Variants in ZFYVE26 observed in about 807,000 individuals in gnomAD.
ZFYVE26 encodes the protein zinc finger FYVE domain-containing protein 26.
ZFYVE26 carries 181 observed loss-of-function variants against 276.5 expected under a neutral mutation model. That is an observed-to-expected ratio of 0.65 (90% confidence interval 0.58 to 0.74). The LOEUF is 0.74. ZFYVE26 is among the 30% of genes least tolerant of loss of function. The pLI is 0.00. For synonymous variants in ZFYVE26, 1,129 were observed against 1,203.1 expected, an observed-to-expected ratio of 0.94 and a Z score of 1.27; for missense variants, 2,821 against 3,097.9, an observed-to-expected ratio of 0.91 and a Z score of 2.12.
intron 35 of ZFYVE26, among the ~76,000 whole-genome samples, chr14:67,757,983 G>A (rs1452001180): frequency 5.3e-5 from 8 of 152,156 alleles, no homozygotes; most frequent in African/African-American, 1.9e-4. Flanking sequence ...CCAGAGTGCT[G>A]GGATTACAGA....
At chr14:67,813,161 T>C (rs886100293) in intron 3 of ZFYVE26, among the ~76,000 whole-genome samples, 1 of 152,208 alleles carries the variant, frequency 6.6e-6, no homozygotes, top group Non-Finnish European at 1.5e-5. Flanking sequence ...CTGGCGAAAT[T>C]ACAGACATTT....
Position 67,793,772 on chromosome 14 carries a change from A to G in ZFYVE26, c.2402-13T>C, listed in dbSNP as rs1214415746. 1 of 1,613,754 alleles carries G rather than the reference A, an allele frequency of 6.2e-7. No individual in the cohort carries two copies. Among genetic ancestry groups the G allele is most frequent in the South Asian group, 1.1e-5 (1 of 91,062 alleles). ...CTCAGACTTCCCTCTGTTGGGACAC[A>G]AGAATGTGTGGGGCCAGAGAAGCAA... On this transcript the variant is annotated splice_polypyrimidine_tract_variant and intron_variant, in intron 13 of 41. Coordinates refer to ENST00000347230, the MANE Select transcript of ZFYVE26 (RefSeq NM_015346.4).
intron 6 of ZFYVE26, 92 bp downstream of exon 6, chr14:67,806,453 G>A: frequency 6.5e-7 from 1 of 1,530,272 alleles, no homozygotes; most frequent in East Asian, 2.3e-5. Flanking sequence ...ACTGCTTTAT[G>A]GTGGCCAAAT....
chr14:67,749,084 G>T (rs1290390100), intron 41 of ZFYVE26, among the ~76,000 whole-genome samples: 2 of 152,158 alleles, frequency 1.3e-5, no homozygotes, highest in East Asian at 1.9e-4. Flanking sequence ...AGTAGTGTCT[G>T]TTTTTTCTAC....
In ZFYVE26 at chr14:67,807,983, C is replaced by T. The variant is rs559506322; in HGVS notation, c.364-63G>A. On this transcript the variant is annotated intron_variant, in intron 4 of 41. Coordinates refer to ENST00000347230, the MANE Select transcript of ZFYVE26 (RefSeq NM_015346.4). ...TGCCTGGAATGGTATCACTTGTGTG[C>T]CTTCATGCTTTCCTCTTTTTCAGTT... 1.5e-4 allele frequency: 244 copies of T among 1,574,352 alleles called. 1 individual carries two copies. The South Asian group carries it at 1.8e-3, about 12-fold the overall frequency.
Position 67,775,277 on chromosome 14 carries a change from G to A in ZFYVE26, c.5222-163C>T, listed in dbSNP as rs149472761. Among the ~76,000 whole-genome samples the A allele has an allele frequency of 4.3e-3, 662 of 152,282 alleles. 8 individuals carry two copies. Among genetic ancestry groups the A allele is most frequent in the African/African-American group, 0.015 (636 of 41,544 alleles). ...GGAGGTACCTCTAAGCCCATAGCAC[G>A]CATGTTTCTTAAACGCCTCGAAAAA... On this transcript the variant is annotated intron_variant, in intron 26 of 41. Coordinates refer to ENST00000347230, the MANE Select transcript of ZFYVE26 (RefSeq NM_015346.4).
rs1368280251 is a variant in ZFYVE26, at chr14:67,768,535, G to A, written c.5635C>T (p.Pro1879Ser). The change falls in exon 30 of 42, where the codon CCT (proline) becomes TCT (serine). Residue 1879 changes from proline (P) to serine (S), a missense_variant. Coordinates refer to ENST00000347230, the MANE Select transcript of ZFYVE26 (RefSeq NM_015346.4). ...GCCTTACCTTCTGGTTTTTCTGAAG[G>A]CTCCTCTGGTACACTGAAAACAGAG... ...SYCNKDVPEE[P>S]SEKPEALDSS... The A allele has an allele frequency of 3.1e-6, 5 of 1,613,986 alleles. No homozygotes were observed. The highest frequency in any genetic ancestry group is 2.2e-5 in the East Asian group (1 of 44,894).
intron 13 of ZFYVE26, among the ~76,000 whole-genome samples, chr14:67,738,318 G>A (rs2038374831): frequency 6.7e-6 from 1 of 148,750 alleles, no homozygotes; most frequent in Non-Finnish European, 1.5e-5. Context: ...AATCTGACAT[G>A]ATTATATAAT....
In ZFYVE26 at chr14:67,781,337, T is replaced by C. The variant is rs745989732; in HGVS notation, c.4565A>G (p.Gln1522Arg). The change falls in exon 22 of 42, where the codon CAG becomes CGG. Residue 1522 changes from glutamine to arginine, a missense_variant. Coordinates refer to ENST00000347230, the MANE Select transcript of ZFYVE26 (RefSeq NM_015346.4). ...TCTTGATGCGAGGGCCCATACCTTCTGATACACCTGCAGCTCCGCCAGCTT... is the reference window on the plus strand; with the variant it reads ...TCTTGATGCGAGGGCCCATACCTTCCGATACACCTGCAGCTCCGCCAGCTT... ...QRKLAELQVY[Q>R]KILGLQSPPV... is the part of the protein sequence containing the mutation. 3.1e-6 allele frequency: 5 copies of C among 1,614,150 alleles called. No individual in the cohort carries two copies. The highest frequency in any genetic ancestry group is 1.7e-4 in the Middle Eastern group (1 of 6,060).
chr14:67,815,032 G>A (rs2040374172), intron 2 of ZFYVE26, among the ~76,000 whole-genome samples: 1 of 152,180 alleles, frequency 6.6e-6, no homozygotes, highest in South Asian at 2.1e-4. Flanking sequence ...GGAGAACTGT[G>A]GTTGCCAGGG....
rs2038966537 is a variant in ZFYVE26, at chr14:67,762,761, G to T, written c.6070C>A (p.Pro2024Thr). ...ILVAAAYRHV[P>T]SLDQILQPAA... is the part of the protein sequence containing the mutation. The stretch of plus-strand genomic sequence containing the variant: ...GGCTGCAAGATCTGATCCAAAGATG[G>T]CACGTGGCGATAGGCAGCAGCAACT... Residue 2024 changes from proline (P) to threonine (T), a missense_variant, in exon 33 of 42, where the codon CCA becomes ACA. Transcript: ENST00000347230. 1.2e-6 allele frequency: 2 copies of T among 1,614,086 alleles called. No individual in the cohort carries two copies. The highest frequency in any genetic ancestry group is 8.5e-7 in the Non-Finnish European group (1 of 1,180,054).
intron 31 of ZFYVE26, among the ~76,000 whole-genome samples, chr14:67,766,804 A>G (rs1187133690): frequency 6.6e-6 from 1 of 151,944 alleles, no homozygotes; most frequent in Non-Finnish European, 1.5e-5. Flanking sequence ...GGCTCAAGCA[A>G]TCCTTCCACC....
At chr14:67,749,868 G>A (rs1171302890) in intron 41 of ZFYVE26, among the ~76,000 whole-genome samples, 1 of 152,176 alleles carries the variant, frequency 6.6e-6, no homozygotes, top group African/African-American at 2.4e-5. Flanking sequence ...TTCCTACCAA[G>A]AGAAGAAGGG....
chr14:67,816,055 A>C lies in ZFYVE26; in HGVS notation c.-83-9T>G. ...CATTCGCGGAGTACCTCCTAGAAAC[A>C]ACACAACGCCAGTGAGAAGAAACAG... is the stretch of plus-strand genomic sequence containing the variant. On this transcript the variant is annotated splice_polypyrimidine_tract_variant and intron_variant, in intron 1 of 41. Transcript: ENST00000347230. 9.6e-7 allele frequency: 1 copy of C among 1,045,216 alleles called. No individual in the cohort carries two copies. The highest frequency in any genetic ancestry group is 1.4e-6 in the Non-Finnish European group (1 of 720,464). The allele number at this position is 1,045,216 out of a possible 1,614,324, so 64.7% of individuals were successfully genotyped here. A position where few individuals can be genotyped will look rare whatever the true frequency, so the allele number is the denominator to read the frequency against.
chr14:67,793,279 G>A (rs3039654), intron 14 of ZFYVE26, among the ~76,000 whole-genome samples: 5 of 125,398 alleles, frequency 4.0e-5, no homozygotes, highest in Admixed American at 1.5e-4. Context: ...AAACAAACAA[G>A]CAAACAAACA....
rs1184808508 is a variant in ZFYVE26 at position 67,768,580 on chromosome 14, A to G, written c.5622-32T>C. 3 of 1,611,310 alleles carry G rather than the reference A, an allele frequency of 1.9e-6. No homozygotes were observed. In the South Asian group the frequency reaches 3.3e-5, roughly 18 times the overall value. ...ACAGAGAAAGAAAAATTATTAAATA[A>G]ATGCCTGAGTCACTTCTTTGTTTTG... On this transcript the variant is annotated intron_variant, in intron 29 of 41. Coordinates refer to ENST00000347230, the MANE Select transcript of ZFYVE26 (RefSeq NM_015346.4).
At chr14:67,736,370 C>T (rs1256513002) in intron 13 of ZFYVE26, among the ~76,000 whole-genome samples, 1 of 152,180 alleles carries the variant, frequency 6.6e-6, no homozygotes, top group Admixed American at 6.5e-5. Context: ...ATCATATTTT[C>T]ATATTGTAGA....
Position 67,762,940 on chromosome 14 carries a change from T to C in ZFYVE26, c.6012-121A>G, listed in dbSNP as rs566035033. On this transcript the variant is annotated intron_variant, in intron 32 of 41. Transcript: ENST00000347230. ...TGTTTTGAAACAGAGTCTCGTTCTGTCACCCAGGCTGGAGTGCAGTGGTCC... is the reference window on the plus strand; with the variant it reads ...TGTTTTGAAACAGAGTCTCGTTCTGCCACCCAGGCTGGAGTGCAGTGGTCC... 3.3e-5 allele frequency: 47 copies of C among 1,411,834 alleles called. No individual in the cohort carries two copies. In the East Asian group the frequency reaches 1.0e-3, roughly 31 times the overall value. The allele number at this position is 1,411,834 out of a possible 1,614,324, so 87.5% of individuals were successfully genotyped here. A position where few individuals can be genotyped will look rare whatever the true frequency, so the allele number is the denominator to read the frequency against.
intron 14 of ZFYVE26, chr14:67,729,046 G>T: frequency 1.2e-6 from 1 of 828,966 alleles, no homozygotes; most frequent in African/African-American, 1.7e-5. Context: ...TTCAAATTCC[G>T]CCTGGCCAGG....
Sources: gnomAD v4.1 joint callset for allele counts (sites outside exome capture counted in the v4.1 genomes callset) on GRCh38, gnomAD v4.1.1 for gene constraint, MANE v1.5 for transcripts, NCBI Gene and HGNC (gene_info 2026-07-23, HGNC 2026-07-21) for gene names.